Variants in CYTH1 observed in about 807,000 individuals in gnomAD.
CYTH1 encodes the protein cytohesin 1.
A neutral mutation model predicts 61.8 loss-of-function variants in CYTH1; 18 were observed. The observed-to-expected ratio is 0.29, with a 90% confidence interval of 0.20 to 0.43. The LOEUF (loss-of-function observed/expected upper bound fraction) is 0.43. Among genes scored for constraint, CYTH1 ranks in the 20% least tolerant of loss-of-function variants. The pLI is 1.00. For synonymous variants in CYTH1, 174 were observed against 184.3 expected (o/e 0.94, Z 0.45); for missense variants, 336 against 510.5 (o/e 0.66, Z 3.29).
chr17:78,704,846 C>T (rs1337496879), intron 3 of CYTH1, among the ~76,000 whole-genome samples: 1 of 152,130 alleles, frequency 6.6e-6, no homozygotes, highest in Non-Finnish European at 1.5e-5. Flanking sequence ...GAAAGGAACA[C>T]CTGAAAACTG....
Position 78,692,450 on chromosome 17 carries a change from A to C in CYTH1, c.858T>G (p.Thr286=), listed in dbSNP as rs770451515. 1.2e-6 allele frequency: 2 copies of C among 1,614,004 alleles called. No homozygotes were observed. The highest frequency in any genetic ancestry group is 2.7e-5 in the African/African-American group (2 of 74,914). Reference sequence around the variant, plus strand: ...ACTCAAAGTAGTAAAGGCAGTTGTCAGTCAGAATGAACCAGCGTCTCTTCC... The same window carrying C: ...ACTCAAAGTAGTAAAGGCAGTTGTCCGTCAGAATGAACCAGCGTCTCTTCC... ...KTWKRRWFIL[T]DNCLYYFEYT... The change falls in exon 11 of 14, where the codon ACT becomes ACG. Residue 286 remains threonine, a synonymous_variant. Coordinates refer to ENST00000446868, the MANE Select transcript of CYTH1 (RefSeq NM_004762.6).
intron 1 of CYTH1, among the ~76,000 whole-genome samples, chr17:78,747,160 A>AG (rs1055034307): frequency 1.3e-5 from 2 of 150,880 alleles, no homozygotes; most frequent in African/African-American, 2.4e-5. Flanking sequence ...AAAAAAAAAA[A>AG]AAAAAAAAAA....
At chr17:78,773,880 CTTTA>C (rs2093481083) in intron 1 of CYTH1, among the ~76,000 whole-genome samples, 1 of 152,098 alleles carries the variant, frequency 6.6e-6, no homozygotes, top group African/African-American at 2.4e-5. Flanking sequence ...CTGTAAATCA[CTTTA>C]TTTGATAGAA....
chr17:78,705,722 G>C (rs1169752491), intron 3 of CYTH1, among the ~76,000 whole-genome samples: 1 of 152,082 alleles, frequency 6.6e-6, no homozygotes. Flanking sequence ...TGGCGCTTTC[G>C]ATACCGGAAA....
intron 11 of CYTH1, among the ~76,000 whole-genome samples, chr17:78,685,748 GT>G (rs756850890): frequency 1.3e-5 from 2 of 151,934 alleles, no homozygotes; most frequent in African/African-American, 2.4e-5. Context: ...AGGTTCCAAA[GT>G]GCCGCATTTC....
intron 1 of CYTH1, among the ~76,000 whole-genome samples, chr17:78,724,596 A>G (rs1394528883): frequency 6.6e-6 from 1 of 152,218 alleles, no homozygotes; most frequent in African/African-American, 2.4e-5. Context: ...AAATGTCTCC[A>G]GGCATTGCTG....
At chr17:78,733,614 C>T (rs961466484) in intron 1 of CYTH1, among the ~76,000 whole-genome samples, 15 of 152,246 alleles carry the variant, frequency 9.9e-5, no homozygotes, top group African/African-American at 1.9e-4. Context: ...CATGTAAGCC[C>T]GTAGCAGCAG....
intron 9 of CYTH1, 149 bp downstream of exon 9, chr17:78,698,120 C>T: frequency 1.4e-6 from 1 of 698,232 alleles, no homozygotes; most frequent in South Asian, 1.6e-5. Flanking sequence ...TGTGTGTGAA[C>T]ATGCATGCGC....
chr17:78,711,971 C>CG (rs2093137268), intron 1 of CYTH1, among the ~76,000 whole-genome samples: 1 of 151,734 alleles, frequency 6.6e-6, no homozygotes, highest in East Asian at 1.9e-4. Flanking sequence ...TCCAGCTACT[C>CG]GGGGGGCTGA....
chr17:78,685,648 T>C (rs1472899984), intron 11 of CYTH1, among the ~76,000 whole-genome samples: 1 of 152,222 alleles, frequency 6.6e-6, no homozygotes, highest in East Asian at 1.9e-4. Context: ...AGTTCAATGC[T>C]CACTACCAGT....
chr17:78,772,835 C>T (rs1189869247), intron 1 of CYTH1, among the ~76,000 whole-genome samples: 1 of 150,134 alleles, frequency 6.7e-6, no homozygotes, highest in Non-Finnish European at 1.5e-5. Flanking sequence ...CACACCTGGC[C>T]TGTTTTGTTT....
At chr17:78,708,098 C>G in intron 3 of CYTH1, 99 bp downstream of exon 3, 3 of 1,211,142 alleles carry the variant, frequency 2.5e-6, no homozygotes, top group Non-Finnish European at 3.6e-6. Context: ...AGACACAAAG[C>G]TGACTTTTTC....
chr17:78,681,127 C>A (rs1379295111), intron 11 of CYTH1, 85 bp from the exon 12 acceptor site: 1 of 1,320,216 alleles, frequency 7.6e-7, no homozygotes, highest in East Asian at 2.3e-5. Context: ...CTCAGCCGAA[C>A]TTTCCTGCTT....
intron 11 of CYTH1, among the ~76,000 whole-genome samples, chr17:78,689,083 GC>G (rs1262456684): frequency 6.6e-6 from 1 of 152,118 alleles, no homozygotes; most frequent in Non-Finnish European, 1.5e-5. Context: ...GATGTGGATG[GC>G]AGTGGTAAAT....
At chr17:78,733,773 A>C (rs1319999266) in intron 1 of CYTH1, among the ~76,000 whole-genome samples, 4 of 152,250 alleles carry the variant, frequency 2.6e-5, no homozygotes, top group Admixed American at 2.0e-4. Context: ...TATACCAAGC[A>C]AGATAAAGTG....
intron 1 of CYTH1, among the ~76,000 whole-genome samples, chr17:78,737,357 G>A (rs1239654111): frequency 2.6e-5 from 4 of 152,134 alleles, no homozygotes; most frequent in Non-Finnish European, 4.4e-5. Flanking sequence ...AAAAAAGTCT[G>A]TATGTATTCA....
chr17:78,721,342 T>TA (rs1164276321), intron 1 of CYTH1, among the ~76,000 whole-genome samples: 2 of 151,982 alleles, frequency 1.3e-5, no homozygotes, highest in Non-Finnish European at 2.9e-5. Context: ...AAAATAAAAA[T>TA]AAAAAAATTT....
At chr17:78,738,817 G>A (rs1161218338) in intron 1 of CYTH1, among the ~76,000 whole-genome samples, 4 of 152,150 alleles carry the variant, frequency 2.6e-5, no homozygotes, top group African/African-American at 9.7e-5. Context: ...ATCCCAACTT[G>A]TAAGAGGGCA....
chr17:78,677,522 C>T (rs533865918), intron 13 of CYTH1: 4 of 166,304 alleles, frequency 2.4e-5, no homozygotes, highest in Middle Eastern at 2.8e-3. Context: ...CACATCTCAG[C>T]GCCTAGCCGA....
Sources: gnomAD v4.1 joint callset for allele counts (sites outside exome capture counted in the v4.1 genomes callset) on GRCh38, gnomAD v4.1.1 for gene constraint, MANE v1.5 for transcripts, NCBI Gene and HGNC (gene_info 2026-07-23, HGNC 2026-07-21) for gene names.